SHCBP1: variants seen among roughly 807,000 people sequenced by gnomAD.
SHCBP1 encodes the protein SHC binding and spindle associated 1, also known as SHC SH2 domain-binding protein 1.
Under a neutral mutation model 75.1 loss-of-function variants are expected in SHCBP1, and 60 were observed. The ratio of observed to expected loss-of-function variants is 0.80; its 90% CI spans 0.65 to 0.99. SHCBP1 has a LOEUF of 0.99. SHCBP1 is among the 50% of genes least tolerant of loss of function. The probability of loss-of-function intolerance (pLI) is 0.00; values close to 1 mark genes in which losing one functional copy is unlikely to be tolerated. For synonymous variants in SHCBP1, 290 were observed against 293.2 expected, an observed-to-expected ratio of 0.99 and a Z score of 0.11; for missense variants, 709 against 809.4, an observed-to-expected ratio of 0.88 and a Z score of 1.50.
In SHCBP1 at chr16:46,579,647, A is replaced by G. The variant is rs1242712053; in HGVS notation, c.*2082T>C. On this transcript the variant is annotated 3_prime_UTR_variant, in exon 13 of 13. Coordinates refer to ENST00000303383, the MANE Select transcript of SHCBP1 (RefSeq NM_024745.5). Reference sequence around the variant, plus strand: ...AAACCCCATATCTACTAAAAATACAAAAAAAAGGCCAGGCACGTGGCTCAT... The same window carrying G: ...AAACCCCATATCTACTAAAAATACAGAAAAAAGGCCAGGCACGTGGCTCAT... Among the ~76,000 whole-genome samples the G allele has an allele frequency of 6.6e-6, 1 of 152,016 alleles. No homozygotes were observed. Among genetic ancestry groups the G allele is most frequent in the Admixed American group, 6.6e-5 (1 of 15,250 alleles).
At chr16:46,585,644 T>G (rs989196003) in intron 10 of SHCBP1, among the ~76,000 whole-genome samples, 1 of 152,134 alleles carries the variant, frequency 6.6e-6, no homozygotes, top group African/African-American at 2.4e-5. Flanking sequence ...CCAACCACAG[T>G]TGCAAGGCCC....
At chr16:46,618,090 C>T (rs948074270) in intron 2 of SHCBP1, 115 bp downstream of exon 2, 35 of 1,008,260 alleles carry the variant, frequency 3.5e-5, no homozygotes, top group African/African-American at 6.6e-5. Flanking sequence ...GCAGGAGAAT[C>T]ACCTGAACCT....
chr16:46,606,768 A>G (rs1965332024), intron 5 of SHCBP1, among the ~76,000 whole-genome samples: 1 of 152,206 alleles, frequency 6.6e-6, no homozygotes, highest in African/African-American at 2.4e-5. Flanking sequence ...ACGAAGAGCT[A>G]AAATCACACA....
Position 46,582,156 on chromosome 16 carries a change from C to T in SHCBP1, c.1694-102G>A. On this transcript the variant is annotated intron_variant, in intron 12 of 12. Coordinates refer to ENST00000303383, the MANE Select transcript of SHCBP1 (RefSeq NM_024745.5). ...TCTCAACAAGCAGCTGCCTTGCTTT[C>T]TATACCAAGGTTCCCTGACCCTCAC... 5 of 1,247,452 alleles carry T rather than the reference C, an allele frequency of 4.0e-6. No individual in the cohort carries two copies. The South Asian group carries it at 7.5e-5, about 19-fold the overall frequency. The allele number at this position is 1,247,452 out of a possible 1,614,324, so 77.3% of individuals were successfully genotyped here.
chr16:46,618,024 A>G (rs1421131387), intron 2 of SHCBP1, among the ~76,000 whole-genome samples, 181 bp downstream of exon 2: 1 of 152,176 alleles, frequency 6.6e-6, no homozygotes, highest in Non-Finnish European at 1.5e-5. Context: ...GTAAAAACAC[A>G]AAATTATCTG....
At chr16:46,613,577 C>T (rs1196271313) in intron 4 of SHCBP1, among the ~76,000 whole-genome samples, 2 of 152,212 alleles carry the variant, frequency 1.3e-5, no homozygotes, top group African/African-American at 2.4e-5. Context: ...TTCCCCACCC[C>T]TGCCTCCCCT....
intron 1 of SHCBP1, among the ~76,000 whole-genome samples, chr16:46,619,372 C>T (rs1965551444): frequency 6.6e-6 from 1 of 152,078 alleles, no homozygotes; most frequent in Non-Finnish European, 1.5e-5. Context: ...TTCTCCTTCC[C>T]TTTCCCCCTT....
intron 2 of SHCBP1, 140 bp from the exon 3 acceptor site, chr16:46,617,889 C>T: frequency 1.3e-6 from 1 of 747,884 alleles, no homozygotes; most frequent in Middle Eastern, 3.9e-4. Flanking sequence ...ATAAAAGATG[C>T]AAAAAACCAG....
intron 1 of SHCBP1, among the ~76,000 whole-genome samples, chr16:46,620,160 T>C (rs752593040): frequency 9.2e-5 from 14 of 152,164 alleles, no homozygotes; most frequent in Non-Finnish European, 1.6e-4. Flanking sequence ...TAGTTACCTT[T>C]TGTGTGTGTG....
At chr16:46,591,979 T>C (rs1372061167) in intron 10 of SHCBP1, among the ~76,000 whole-genome samples, 4 of 151,968 alleles carry the variant, frequency 2.6e-5, no homozygotes, top group African/African-American at 9.7e-5. Context: ...GTTTATAGCA[T>C]TAAATGCTTA....
At position 46,616,796 on chromosome 16, in the gene SHCBP1, C is replaced by T. The variant is rs937469524; in HGVS notation, c.388-642G>A. On this transcript the variant is annotated intron_variant, in intron 3 of 12. Transcript: ENST00000303383. This position sits in a 1 kb window ranked among gnomAD's most constrained non-coding sequence, Gnocchi z 4.4. The stretch of plus-strand genomic sequence containing the variant: ...TTAAAACAATGACTTTCATTGTTTT[C>T]GGAGAACTGATTGGCGGGGGGGCAC... Among the ~76,000 whole-genome samples the T allele has an allele frequency of 2.0e-5, 3 of 152,092 alleles. No individual in the cohort carries two copies. The highest frequency in any genetic ancestry group is 4.4e-5 in the Non-Finnish European group (3 of 68,014).
chr16:46,607,467 A>G (rs1358480660), intron 5 of SHCBP1, among the ~76,000 whole-genome samples: 4 of 152,174 alleles, frequency 2.6e-5, no homozygotes, highest in Admixed American at 2.6e-4. Context: ...TTAAGCCAAG[A>G]GAAACTCACT....
intron 10 of SHCBP1, among the ~76,000 whole-genome samples, chr16:46,585,566 A>G (rs1454547191): frequency 1.3e-5 from 2 of 152,204 alleles, no homozygotes; most frequent in Non-Finnish European, 2.9e-5. Context: ...ACCTAGAAAG[A>G]GGAAAACTTT....
Position 46,579,388 on chromosome 16 carries a change from AATC to A in SHCBP1, c.*2338_*2340del, listed in dbSNP as rs1395807185. On this transcript the variant is annotated 3_prime_UTR_variant, in exon 13 of 13. Transcript: ENST00000303383. ...CAAAGTAGGCCTACTCATTATAATG[AATC>A]ATGTGAATAAAAATTAATATAAGCT... Among the ~76,000 whole-genome samples, 3 of 152,228 alleles carry A rather than the reference AATC, an allele frequency of 2.0e-5. No homozygotes were observed. Among genetic ancestry groups the A allele is most frequent in the African/African-American group, 7.2e-5 (3 of 41,460 alleles).
At chr16:46,605,817 T>C (rs2143000805) in intron 5 of SHCBP1, among the ~76,000 whole-genome samples, 1 of 151,968 alleles carries the variant, frequency 6.6e-6, no homozygotes, top group African/African-American at 2.4e-5. Flanking sequence ...CTTAAACAAA[T>C]TTACATCAGA....
At chr16:46,600,013 A>G (rs749868035) in intron 8 of SHCBP1, 51 bp from the exon 9 acceptor site, 1 of 1,600,586 alleles carries the variant, frequency 6.2e-7, no homozygotes, top group Non-Finnish European at 8.5e-7. Context: ...AAAACATCTA[A>G]ACGTGAACAC....
intron 5 of SHCBP1, among the ~76,000 whole-genome samples, chr16:46,607,212 C>T (rs1323158332): frequency 2.0e-5 from 3 of 152,032 alleles, no homozygotes; most frequent in East Asian, 1.9e-4. Context: ...AAAATTAGCT[C>T]GGTGTGGTGG....
At chr16:46,610,100 GC>G (rs1965385216) in intron 4 of SHCBP1, among the ~76,000 whole-genome samples, 1 of 151,558 alleles carries the variant, frequency 6.6e-6, no homozygotes, top group Admixed American at 6.6e-5. Flanking sequence ...ACAGGCACCC[GC>G]CACCACGCCC....
At chr16:46,582,970 C>G (rs2142997149) in intron 12 of SHCBP1, among the ~76,000 whole-genome samples, 1 of 152,316 alleles carries the variant, frequency 6.6e-6, no homozygotes, top group South Asian at 2.1e-4. Context: ...GCTTGAAGTT[C>G]ACAGATTTCC....
Sources: allele counts gnomAD v4.1 joint callset (sites outside exome capture counted in the v4.1 genomes callset), GRCh38; gene constraint gnomAD v4.1.1; non-coding constraint Gnocchi (gnomAD v3.1); transcripts MANE v1.5; gene names NCBI Gene and HGNC (gene_info 2026-07-23, HGNC 2026-07-21).